Variants in MED27 observed in about 807,000 individuals in gnomAD.
MED27 encodes mediator of RNA polymerase II transcription subunit 27.
MED27 carries 30 observed loss-of-function variants against 38.2 expected under a neutral mutation model. That is an observed-to-expected ratio of 0.79 (90% CI 0.59 to 1.07). The LOEUF (loss-of-function observed/expected upper bound fraction) is 1.07. Ranked by LOEUF, MED27 falls within the 50% of genes least tolerant of loss-of-function variation. The probability of loss-of-function intolerance (pLI) is 0.00; values close to 1 mark genes in which losing one functional copy is unlikely to be tolerated. For missense variants in MED27, 289 were observed against 397.5 expected (o/e 0.73, Z 2.32); for synonymous variants, 122 against 153.5 (o/e 0.79, Z 1.52).
chr9:132,025,362 A>G (rs555486706), intron 2 of MED27, among the ~76,000 whole-genome samples: 50 of 152,240 alleles, frequency 3.3e-4, no homozygotes, highest in Non-Finnish European at 5.3e-4. Flanking sequence ...TTGTATTTTT[A>G]GTAGAGACAG....
At chr9:132,043,472 A>G (rs1271324091) in intron 2 of MED27, among the ~76,000 whole-genome samples, 2 of 152,144 alleles carry the variant, frequency 1.3e-5, no homozygotes, top group Non-Finnish European at 2.9e-5. Flanking sequence ...CTGTTTCATA[A>G]GCTGGGAGCA....
chr9:132,067,403 G>T (rs2131159242), intron 2 of MED27, among the ~76,000 whole-genome samples: 1 of 152,342 alleles, frequency 6.6e-6, no homozygotes, highest in Admixed American at 6.5e-5. Context: ...TCCCAGAGAT[G>T]TTTAACAACT....
At chr9:132,066,820 T>G (rs1251552165) in intron 2 of MED27, among the ~76,000 whole-genome samples, 1 of 152,142 alleles carries the variant, frequency 6.6e-6, no homozygotes, top group African/African-American at 2.4e-5. Context: ...GCACAGAGCA[T>G]AGTTTGGGAA....
intron 3 of MED27, among the ~76,000 whole-genome samples, chr9:131,957,375 C>G (rs780742102): frequency 7.2e-5 from 11 of 152,126 alleles, no homozygotes; most frequent in Admixed American, 2.6e-4. Context: ...CCGCCTCAGC[C>G]TCCTGAGTAG....
Position 131,872,511 on chromosome 9 carries a change from T to C in MED27, c.724-9371A>G, listed in dbSNP as rs1564262474. Reference sequence around the variant, plus strand: ...AGCCAATATCGGCTTCTACGTACTGTGAAGAGAAGATTCTCTTAGATCTGG... The same window carrying C: ...AGCCAATATCGGCTTCTACGTACTGCGAAGAGAAGATTCTCTTAGATCTGG... On this transcript the variant is annotated intron_variant, in intron 6 of 7. Coordinates refer to ENST00000292035, the MANE Select transcript of MED27 (RefSeq NM_004269.4). The surrounding 1 kb of genome is among the most constrained non-coding windows in gnomAD (Gnocchi z 5.6). Among the ~76,000 whole-genome samples the C allele has an allele frequency of 6.6e-6, 1 of 152,214 alleles. No individual in the cohort carries two copies. The highest frequency in any genetic ancestry group is 6.5e-5 in the Admixed American group (1 of 15,282).
chr9:131,944,056 G>T (rs925480631), intron 3 of MED27, among the ~76,000 whole-genome samples: 1 of 152,138 alleles, frequency 6.6e-6, no homozygotes, highest in Non-Finnish European at 1.5e-5. Flanking sequence ...ATCTCTTCCA[G>T]AAGGACAGCT....
chr9:132,027,754 T>C (rs1832855775), intron 2 of MED27, among the ~76,000 whole-genome samples: 1 of 152,232 alleles, frequency 6.6e-6, no homozygotes. Flanking sequence ...TGCACAAAAT[T>C]TGATTACAGG....
At chr9:131,952,003 C>T (rs1049924707) in intron 3 of MED27, among the ~76,000 whole-genome samples, 13 of 152,160 alleles carry the variant, frequency 8.5e-5, no homozygotes, top group African/African-American at 2.9e-4. Context: ...ATGACCTAGT[C>T]AGGAAGTGAG....
chr9:131,961,253 G>A (rs1056894056), intron 3 of MED27, among the ~76,000 whole-genome samples: 3 of 152,156 alleles, frequency 2.0e-5, no homozygotes, highest in Non-Finnish European at 2.9e-5. Flanking sequence ...GGCATATGTC[G>A]CAGCAGGCAA....
At chr9:132,068,881 T>C (rs1355705719) in intron 2 of MED27, among the ~76,000 whole-genome samples, 5 of 152,108 alleles carry the variant, frequency 3.3e-5, no homozygotes, top group African/African-American at 4.8e-5. Flanking sequence ...ACAGAACAGA[T>C]GAGATGGCCC....
At chr9:132,039,401 G>GT (rs1226049050) in intron 2 of MED27, among the ~76,000 whole-genome samples, 1 of 152,286 alleles carries the variant, frequency 6.6e-6, no homozygotes, top group African/African-American at 2.4e-5. Context: ...CCAGGCTCTT[G>GT]TGGGGACTAG....
chr9:131,906,139 C>A (rs985652644), intron 4 of MED27, among the ~76,000 whole-genome samples: 1 of 152,204 alleles, frequency 6.6e-6, no homozygotes, highest in Non-Finnish European at 1.5e-5. Flanking sequence ...CACTCATTTA[C>A]TCAAATATTT....
chr9:132,021,977 G>T (rs1366813150), intron 2 of MED27, among the ~76,000 whole-genome samples: 1 of 152,158 alleles, frequency 6.6e-6, no homozygotes, highest in Non-Finnish European at 1.5e-5. Context: ...AATGTTTGTT[G>T]TTTACCCCAG....
chr9:131,971,499 A>T (rs1831476142), intron 3 of MED27, among the ~76,000 whole-genome samples: 1 of 152,218 alleles, frequency 6.6e-6, no homozygotes, highest in East Asian at 1.9e-4. Context: ...GGGTTTAACA[A>T]TTAGGGGCAA....
chr9:131,903,258 G>C (rs113977295), intron 4 of MED27, among the ~76,000 whole-genome samples: 2,925 of 152,344 alleles, frequency 0.019, 92 homozygotes, highest in African/African-American at 0.067. Context: ...GGCAAAGAGA[G>C]AGCTTGTGCA....
At chr9:131,986,152 G>A (rs538786215) in intron 3 of MED27, among the ~76,000 whole-genome samples, 9 of 152,106 alleles carry the variant, frequency 5.9e-5, no homozygotes, top group South Asian at 2.1e-4. Context: ...AATTTATTAC[G>A]GAAGAAAAAA....
rs1430205638 is a variant in MED27 at position 132,077,553 on chromosome 9, C to T, written c.237G>A (p.Lys79=). The T allele has an allele frequency of 1.2e-6, 2 of 1,614,112 alleles. No individual in the cohort carries two copies. The highest frequency in any genetic ancestry group is 2.2e-5 in the South Asian group (2 of 91,074). The part of the protein sequence containing the change: ...ELERLSNLVG[K]PSENHPLHNS... ...TATGAAGAGGATGGTTCTCAGATGG[C>T]TTGCCTACCAGATTGCTCAGACGTT... Residue 79 remains lysine, a synonymous_variant, in exon 2 of 8, where the codon AAG becomes AAA. Coordinates refer to ENST00000292035, the MANE Select transcript of MED27 (RefSeq NM_004269.4).
At chr9:132,036,931 A>G (rs547792475) in intron 2 of MED27, among the ~76,000 whole-genome samples, 1 of 152,346 alleles carries the variant, frequency 6.6e-6, no homozygotes, top group East Asian at 1.9e-4. Flanking sequence ...CGAAGGAACA[A>G]CATGTAAAAG....
chr9:132,027,676 C>T (rs964972625), intron 2 of MED27, among the ~76,000 whole-genome samples: 8 of 152,032 alleles, frequency 5.3e-5, no homozygotes, highest in African/African-American at 1.7e-4. Flanking sequence ...CAAAACCTGA[C>T]GTGAACTGAT....
Sources: gnomAD v4.1 joint callset for allele counts (sites outside exome capture counted in the v4.1 genomes callset) on GRCh38, gnomAD v4.1.1 for gene constraint, Gnocchi (gnomAD v3.1) non-coding constraint, MANE v1.5 for transcripts, NCBI Gene and HGNC (gene_info 2026-07-23, HGNC 2026-07-21) for gene names.